ATAD2B: variants seen among roughly 807,000 people sequenced by gnomAD.
The protein encoded by ATAD2B is ATPase family AAA domain containing 2B.
Under a neutral mutation model 167.6 loss-of-function variants are expected in ATAD2B, and 40 were observed. The ratio of observed to expected loss-of-function variants is 0.24; its 90% CI spans 0.19 to 0.31. The LOEUF is 0.31. Ranked by LOEUF, ATAD2B falls within the 10% of genes least tolerant of loss-of-function variation. ATAD2B has a pLI of 1.00. For missense variants in ATAD2B, 1,242 were observed against 1,757.2 expected (o/e 0.71, Z 5.24); for synonymous variants, 579 against 596.5 (o/e 0.97, Z 0.43).
intron 13 of ATAD2B, chr2:23,856,414 C>CT (rs1319989322): frequency 2.6e-6 from 1 of 383,042 alleles, no homozygotes; most frequent in African/African-American, 2.2e-5. Context: ...GATGCTCAAC[C>CT]TGTAGCAGGT....
At chr2:23,883,957 A>T in intron 6 of ATAD2B, among the ~76,000 whole-genome samples, 1 of 152,134 alleles carries the variant, frequency 6.6e-6, no homozygotes, top group East Asian at 1.9e-4. Flanking sequence ...AAGCCTGGCC[A>T]ACAAGGCAAA....
chr2:23,872,538 C>T, intron 8 of ATAD2B: 2 of 933,684 alleles, frequency 2.1e-6, no homozygotes, highest in South Asian at 1.3e-5. Context: ...CTTTGAGAGT[C>T]CTTCAGACTC....
At chr2:23,718,652 T>C in the ATAD2B span, among the ~76,000 whole-genome samples, 1 of 152,164 alleles carries the variant, frequency 6.6e-6, no homozygotes, top group Non-Finnish European at 1.5e-5. Flanking sequence ...CACTGCAAAC[T>C]TAGTGGCTTT....
chr2:23,698,664 TATAA>T, the ATAD2B span, among the ~76,000 whole-genome samples: 1 of 152,242 alleles, frequency 6.6e-6, no homozygotes, highest in African/African-American at 2.4e-5. Context: ...TATATCATTA[TATAA>T]ATAACCGGGT....
At chr2:23,717,239 A>T in the ATAD2B span, among the ~76,000 whole-genome samples, 1 of 151,248 alleles carries the variant, frequency 6.6e-6, no homozygotes, top group African/African-American at 2.4e-5. Context: ...CATGGAATGG[A>T]ACTGAGAACC....
chr2:23,842,578 G>A (rs1346513695), intron 13 of ATAD2B, among the ~76,000 whole-genome samples: 2 of 152,140 alleles, frequency 1.3e-5, no homozygotes, highest in Non-Finnish European at 2.9e-5. Flanking sequence ...ACTGCAGTGA[G>A]GGGGAGAGAG....
the ATAD2B span, among the ~76,000 whole-genome samples, chr2:23,718,478 T>C: frequency 0.48 from 73,347 of 151,886 alleles, 18,472 homozygotes; most frequent in East Asian, 0.79. Context: ...CTTCCAATTA[T>C]TGCACAAAAT....
chr2:23,853,907 A>T (rs1692949362), intron 13 of ATAD2B, among the ~76,000 whole-genome samples: 1 of 152,226 alleles, frequency 6.6e-6, no homozygotes, highest in Admixed American at 6.5e-5. Flanking sequence ...GAAATTTAAC[A>T]AAGTAAACTC....
intron 19 of ATAD2B, among the ~76,000 whole-genome samples, chr2:23,795,941 T>G (rs911306690): frequency 6.6e-6 from 1 of 151,124 alleles, no homozygotes; most frequent in Non-Finnish European, 1.5e-5. Flanking sequence ...TGAAATTAAA[T>G]TGTAAGGCTT....
At chr2:23,717,679 T>C in the ATAD2B span, among the ~76,000 whole-genome samples, 2 of 152,086 alleles carry the variant, frequency 1.3e-5, no homozygotes, top group African/African-American at 4.8e-5. Context: ...GGAAATACTA[T>C]ATAGATATAA....
chr2:23,926,537 G>T lies in ATAD2B; in HGVS notation c.216+18C>A. ...CCGGCACTTCCGAGCCTCCGGACTCGGGACGCCGCGCTCTTACCCTGGCCT... is the reference window on the plus strand; with the variant it reads ...CCGGCACTTCCGAGCCTCCGGACTCTGGACGCCGCGCTCTTACCCTGGCCT... On this transcript the variant is annotated intron_variant, in intron 1 of 27. Coordinates refer to ENST00000238789, the MANE Select transcript of ATAD2B (RefSeq NM_017552.4). 6.5e-7 allele frequency: 1 copy of T among 1,538,094 alleles called. No individual in the cohort carries two copies. Among genetic ancestry groups the T allele is most frequent in the Non-Finnish European group, 8.7e-7 (1 of 1,144,862 alleles).
At chr2:23,777,695 G>A (rs954950481) in intron 22 of ATAD2B, among the ~76,000 whole-genome samples, 9 of 152,096 alleles carry the variant, frequency 5.9e-5, no homozygotes, top group African/African-American at 2.2e-4. Context: ...ATGGTATATA[G>A]CATATGAATA....
intron 7 of ATAD2B, among the ~76,000 whole-genome samples, chr2:23,878,570 A>G (rs1697392912): frequency 6.6e-6 from 1 of 152,006 alleles, no homozygotes; most frequent in Non-Finnish European, 1.5e-5. Context: ...GAGGCAGGAG[A>G]ATGGCATGAA....
chr2:23,688,426 G>A, the ATAD2B span, among the ~76,000 whole-genome samples: 2 of 152,224 alleles, frequency 1.3e-5, no homozygotes, highest in African/African-American at 4.8e-5. Flanking sequence ...TCTGATCTCT[G>A]AGGTGCATGA....
chr2:23,691,903 T>C, the ATAD2B span: 6 of 1,543,284 alleles, frequency 3.9e-6, no homozygotes, highest in Admixed American at 5.9e-5. Flanking sequence ...CATATGTCGC[T>C]TGGGGGGAAG....
intron 20 of ATAD2B, among the ~76,000 whole-genome samples, chr2:23,787,293 C>T (rs1324255982): frequency 6.6e-6 from 1 of 151,902 alleles, no homozygotes; most frequent in Non-Finnish European, 1.5e-5. Flanking sequence ...TTTTAAATAG[C>T]TCCTAAGATG....
chr2:23,840,186 T>C (rs1324866425), intron 13 of ATAD2B, among the ~76,000 whole-genome samples: 2 of 152,234 alleles, frequency 1.3e-5, no homozygotes, highest in Admixed American at 6.5e-5. Context: ...AAACCTGCTA[T>C]AAACATTGAC....
intron 18 of ATAD2B, among the ~76,000 whole-genome samples, chr2:23,802,336 A>G (rs1338245535): frequency 6.6e-6 from 1 of 151,982 alleles, no homozygotes; most frequent in African/African-American, 2.4e-5. Flanking sequence ...CCTTTACTCT[A>G]TTTATATTCC....
intron 19 of ATAD2B, among the ~76,000 whole-genome samples, chr2:23,794,777 T>C (rs1249440836): frequency 6.6e-6 from 1 of 152,124 alleles, no homozygotes; most frequent in Non-Finnish European, 1.5e-5. Flanking sequence ...TAGTACAGTA[T>C]ATTTCATGTA....
Sources: gnomAD v4.1 joint callset for allele counts (sites outside exome capture counted in the v4.1 genomes callset) on GRCh38, gnomAD v4.1.1 for gene constraint, MANE v1.5 for transcripts, NCBI Gene and HGNC (gene_info 2026-07-23, HGNC 2026-07-21) for gene names.